PCYT1B: variants seen among roughly 807,000 people sequenced by gnomAD.
The protein encoded by PCYT1B is choline-phosphate cytidylyltransferase B.
In PCYT1B, 10 loss-of-function variants were observed where a neutral mutation model predicts 26.4. The observed-to-expected ratio is 0.38, with a 90% CI of 0.23 to 0.64. PCYT1B has a LOEUF of 0.64. Among genes scored for constraint, PCYT1B ranks in the 30% least tolerant of loss-of-function variants. PCYT1B has a pLI of 0.56. For synonymous variants in PCYT1B, 131 were observed against 108.4 expected (o/e 1.21, Z -1.29); for missense variants, 161 against 292.7 (o/e 0.55, Z 3.28).
intron 3 of PCYT1B, among the ~76,000 whole-genome samples, chrX:24,601,537 A>T (rs1385424466): frequency 5.4e-5 from 6 of 110,167 alleles, no homozygotes; most frequent in Admixed American, 2.0e-4. Flanking sequence ...AAAATATTTG[A>T]AAATGATACA....
At chrX:24,660,223 A>T (rs1927000565) in intron 1 of PCYT1B, among the ~76,000 whole-genome samples, 1 of 112,436 alleles carries the variant, frequency 8.9e-6, no homozygotes, top group Non-Finnish European at 1.9e-5. Context: ...TTGGCTCTCA[A>T]ATAGAAAAAA....
chrX:24,614,443 C>T (rs973602902), intron 2 of PCYT1B, among the ~76,000 whole-genome samples: 6 of 112,069 alleles, frequency 5.4e-5, no homozygotes, highest in African/African-American at 1.6e-4. Flanking sequence ...TGCCTGTAAT[C>T]CCAATACTTA....
chrX:24,624,116 C>G (rs1701269139), intron 1 of PCYT1B, among the ~76,000 whole-genome samples: 1 of 109,733 alleles, frequency 9.1e-6, no homozygotes, highest in Non-Finnish European at 1.9e-5. Context: ...ACTACAGGAG[C>G]CCGCCACCAC....
In PCYT1B at chrX:24,637,509, T is replaced by TATAAAA. The variant is rs1926329543; in HGVS notation, c.117+9479_117+9480insTTTTAT. ...AAAAAAAAATATATATATATATATA[T>TATAAAA]ATAAATTAGCTGAGCGTGGTGGCGT... On this transcript the variant is annotated intron_variant, in intron 1 of 7. Transcript: ENST00000379144. 1.7e-4 allele frequency among the ~76,000 whole-genome samples: 11 copies of TATAAAA among 64,071 alleles called. No homozygotes were observed. In the South Asian group the frequency reaches 8.3e-3, roughly 48 times the overall value. 55.6% of individuals were successfully genotyped at this position (64,071 alleles called of 115,157 possible).
chrX:24,578,964 G>A (rs928948331), intron 6 of PCYT1B, among the ~76,000 whole-genome samples: 1 of 111,338 alleles, frequency 9.0e-6, no homozygotes, highest in Non-Finnish European at 1.9e-5. Flanking sequence ...GGGTTATTGT[G>A]TGGGTTAAAT....
chrX:24,579,486 G>A (rs763499370), intron 5 of PCYT1B, 28 bp from the exon 6 acceptor site: 5 of 1,192,109 alleles, frequency 4.2e-6, no homozygotes, highest in Non-Finnish European at 4.5e-6. Context: ...AGCGGATAGA[G>A]GAAAAATTAA....
intron 1 of PCYT1B, among the ~76,000 whole-genome samples, chrX:24,659,117 C>T (rs1926981927): frequency 8.9e-6 from 1 of 111,786 alleles, no homozygotes; most frequent in African/African-American, 3.2e-5. Flanking sequence ...TCAAAGCCCC[C>T]ACTCAATGCA....
At chrX:24,665,386 G>A (rs1349491481) in intron 1 of PCYT1B, among the ~76,000 whole-genome samples, 2 of 110,362 alleles carry the variant, frequency 1.8e-5, no homozygotes, top group East Asian at 5.7e-4. Context: ...TGCCTCCTGG[G>A]TTCAGTTGAT....
In PCYT1B at chrX:24,561,265, A is replaced by G. The variant is rs1029912194; in HGVS notation, c.*1028T>C. 1 of 112,114 alleles carries G rather than the reference A, an allele frequency of 8.9e-6. No individual in the cohort carries two copies. Among genetic ancestry groups the G allele is most frequent in the Admixed American group, 9.5e-5 (1 of 10,526 alleles). 9.2% of individuals were successfully genotyped at this position (112,114 alleles called of 1,213,427 possible). On this transcript the variant is annotated 3_prime_UTR_variant, in exon 8 of 8. Coordinates refer to ENST00000379144, the MANE Select transcript of PCYT1B (RefSeq NM_004845.5). ...GTCTATTATAAAATGCCACCACTAT[A>G]TACTCATATTGCACATGGGATACAC... is the stretch of plus-strand genomic sequence containing the variant.
intron 1 of PCYT1B, among the ~76,000 whole-genome samples, chrX:24,626,371 A>T (rs1046811364): frequency 2.7e-5 from 3 of 112,119 alleles, no homozygotes; most frequent in African/African-American, 9.7e-5. Flanking sequence ...CTGGACTTGA[A>T]TGATACACAT....
chrX:24,656,567 T>TG (rs1926923725), intron 1 of PCYT1B, among the ~76,000 whole-genome samples: 2 of 90,251 alleles, frequency 2.2e-5, no homozygotes, highest in East Asian at 6.9e-4. Flanking sequence ...TTTTTTTTTT[T>TG]TTTTTTTGAG....
At chrX:24,666,636 TGA>T (rs1167246410) in intron 1 of PCYT1B, among the ~76,000 whole-genome samples, 48 of 100,300 alleles carry the variant, frequency 4.8e-4, no homozygotes, top group African/African-American at 1.6e-3. Context: ...TGTGTGTGTG[TGA>T]GAGCGAGAGA....
intron 1 of PCYT1B, among the ~76,000 whole-genome samples, chrX:24,636,186 CT>C (rs1926264383): frequency 8.9e-6 from 1 of 112,443 alleles, no homozygotes; most frequent in Admixed American, 9.5e-5. Flanking sequence ...GATGTGATGC[CT>C]TTCCTTAGAG....
At chrX:24,661,601 G>A (rs1271411854) in intron 1 of PCYT1B, among the ~76,000 whole-genome samples, 1 of 112,077 alleles carries the variant, frequency 8.9e-6, no homozygotes, top group Non-Finnish European at 1.9e-5. Context: ...GGATAAAGGA[G>A]TATGTTAACA....
intron 1 of PCYT1B, among the ~76,000 whole-genome samples, chrX:24,659,331 T>C (rs1173485742): frequency 8.9e-6 from 1 of 111,877 alleles, no homozygotes; most frequent in Non-Finnish European, 1.9e-5. Flanking sequence ...AAAACACACA[T>C]TGAAGATAAT....
chrX:24,641,126 T>C (rs1406087751), intron 1 of PCYT1B, among the ~76,000 whole-genome samples: 5 of 110,326 alleles, frequency 4.5e-5, no homozygotes, highest in Non-Finnish European at 9.5e-5. Flanking sequence ...TAGAGATGGG[T>C]TTTCACCAGG....
chrX:24,610,553 G>C (rs1925277160), intron 2 of PCYT1B, among the ~76,000 whole-genome samples: 1 of 112,126 alleles, frequency 8.9e-6, no homozygotes, highest in Admixed American at 9.5e-5. Context: ...GGGGAAAGCA[G>C]ATGGCAGTTT....
At chrX:24,652,478 G>A (rs1292973407) in intron 1 of PCYT1B, among the ~76,000 whole-genome samples, 1 of 109,737 alleles carries the variant, frequency 9.1e-6, no homozygotes, top group African/African-American at 3.3e-5. Context: ...AGAATCGCTT[G>A]AACCCAGGAG....
At chrX:24,625,429 G>A (rs1026825209) in intron 1 of PCYT1B, among the ~76,000 whole-genome samples, 23 of 110,705 alleles carry the variant, frequency 2.1e-4, no homozygotes, top group South Asian at 3.9e-4. Flanking sequence ...CAACACACAC[G>A]AATCACTGGA....
Sources: allele counts gnomAD v4.1 joint callset (sites outside exome capture counted in the v4.1 genomes callset), GRCh38; gene constraint gnomAD v4.1.1; transcripts MANE v1.5; gene names NCBI Gene and HGNC (gene_info 2026-07-23, HGNC 2026-07-21).